PCDHA1: variants seen among roughly 807,000 people sequenced by gnomAD.
PCDHA1 encodes protocadherin alpha 1.
Under a neutral mutation model 61.3 loss-of-function variants are expected in PCDHA1, and 42 were observed. The observed-to-expected ratio is 0.69, with a 90% confidence interval of 0.54 to 0.89. PCDHA1 has a LOEUF of 0.89. PCDHA1 is among the 40% of genes least tolerant of loss of function. The pLI, the probability that PCDHA1 is intolerant of heterozygous loss-of-function variation, is 0.00. For missense variants in PCDHA1, 1,256 were observed against 1,235.3 expected (o/e 1.02, Z -0.25); for synonymous variants, 610 against 553.8 (o/e 1.10, Z -1.43).
At position 140,875,707 on chromosome 5, in the gene PCDHA1, C is replaced by G. The variant is rs782640816; in HGVS notation, c.2394+87023C>G. ...ACACGGGGACCTTCTGGAGGTAAAT[C>G]TGCAGAATGGCATTTTGTTTGTGAA... On this transcript the variant is annotated intron_variant, in intron 1 of 3. Transcript: ENST00000504120. The G allele has an allele frequency of 6.2e-6, 10 of 1,614,048 alleles. No homozygotes were observed. In the South Asian group the frequency reaches 6.6e-5, roughly 11 times the overall value.
At position 140,807,677 on chromosome 5, in the gene PCDHA1, G is replaced by A. The variant is rs782620777; in HGVS notation, c.2394+18993G>A. ...GGGCGCCTCGGATGCAGATATCGGG[G>A]AGAACGCCCTGCTCACTTACAGACT... is the stretch of plus-strand genomic sequence containing the variant. On this transcript the variant is annotated intron_variant, in intron 1 of 3. Transcript: ENST00000504120. The A allele has an allele frequency of 1.1e-5, 17 of 1,614,072 alleles. No homozygotes were observed. The Admixed American group carries it at 2.7e-4, about 25-fold the overall frequency.
At chr5:140,950,976 A>G (rs543425095) in intron 1 of PCDHA1, among the ~76,000 whole-genome samples, 188 of 151,348 alleles carry the variant, frequency 1.2e-3, no homozygotes, top group African/African-American at 4.3e-3. Flanking sequence ...AGATTCATTG[A>G]CTTTTGCCTC....
rs2150411211 is a variant in PCDHA1, at chr5:140,848,488, T to C, written c.2394+59804T>C. The C allele has an allele frequency of 1.0e-5, 16 of 1,574,158 alleles. 1 individual carries two copies. The highest frequency in any genetic ancestry group is 3.4e-4 in the Middle Eastern group (2 of 5,918). On this transcript the variant is annotated intron_variant, in intron 1 of 3. Coordinates refer to ENST00000504120, the MANE Select transcript of PCDHA1 (RefSeq NM_018900.4). ...TTTCACTAATTAGAAGAAGACTGAG[T>C]ATTTGAAATGTTATACTCAAGTCGA... is the stretch of plus-strand genomic sequence containing the variant.
At chr5:140,832,640 G>T (rs2150203055) in intron 1 of PCDHA1, among the ~76,000 whole-genome samples, 1 of 152,252 alleles carries the variant, frequency 6.6e-6, no homozygotes, top group Middle Eastern at 3.4e-3. Flanking sequence ...TCCTAGGAGG[G>T]TCTTTAAGAG....
At chr5:140,798,821 G>A (rs1762366010) in intron 1 of PCDHA1, among the ~76,000 whole-genome samples, 1 of 152,126 alleles carries the variant, frequency 6.6e-6, no homozygotes, top group African/African-American at 2.4e-5. Context: ...CCAACCAAAG[G>A]CAGATGTATT....
chr5:140,887,670 C>T (rs368430565), intron 1 of PCDHA1, among the ~76,000 whole-genome samples: 1 of 151,988 alleles, frequency 6.6e-6, no homozygotes, highest in Non-Finnish European at 1.5e-5. Context: ...GTGGATTTAT[C>T]ATTTTCATCA....
intron 1 of PCDHA1, chr5:140,862,804 C>A: frequency 5.2e-6 from 3 of 574,138 alleles, no homozygotes; most frequent in Non-Finnish European, 6.7e-6. Context: ...GCTGGAGCTG[C>A]TGCAGTTCTA....
intron 1 of PCDHA1, chr5:140,870,380 C>T (rs373356425): frequency 1.3e-5 from 21 of 1,614,064 alleles, no homozygotes; most frequent in East Asian, 2.2e-5. Flanking sequence ...GTGGTGACTG[C>T]GCGGGATGGG....
At chr5:140,975,472 A>G (rs1012106018) in intron 1 of PCDHA1, among the ~76,000 whole-genome samples, 2 of 152,250 alleles carry the variant, frequency 1.3e-5, no homozygotes, top group African/African-American at 4.8e-5. Flanking sequence ...AATTCTGCCT[A>G]TCAGTTTATA....
intron 1 of PCDHA1, chr5:140,834,405 G>A (rs2150216867): frequency 1.9e-6 from 3 of 1,607,688 alleles, no homozygotes; most frequent in Admixed American, 1.7e-5. Flanking sequence ...GAATGGATAC[G>A]ACCCAGGGGG....
At chr5:140,830,276 G>T (rs782590903) in intron 1 of PCDHA1, 2 of 1,613,712 alleles carry the variant, frequency 1.2e-6, no homozygotes, top group Non-Finnish European at 1.7e-6. Context: ...GCCACCCACC[G>T]AGGGCGCGTG....
In PCDHA1 at chr5:140,845,055, G is replaced by T. The variant is rs2150376092; in HGVS notation, c.2394+56371G>T. 3.3e-5 allele frequency among the ~76,000 whole-genome samples: 5 copies of T among 149,320 alleles called. 1 individual carries two copies. The highest frequency in any genetic ancestry group is 6.0e-5 in the Non-Finnish European group (4 of 66,724). ...TTTTAGCCCCCTTGTCCAACTGAAG[G>T]TAACCTCAAAGCAGCATTGTTTTGT... On this transcript the variant is annotated intron_variant, in intron 1 of 3. Transcript: ENST00000504120.
intron 1 of PCDHA1, chr5:140,854,630 AG>A (rs1201731604): frequency 6.7e-6 from 1 of 150,240 alleles, no homozygotes; most frequent in African/African-American, 2.4e-5. Flanking sequence ...TCTTTAGAAA[AG>A]TCAAAACATC....
intron 3 of PCDHA1, among the ~76,000 whole-genome samples, chr5:140,984,162 C>A (rs2097089666): frequency 6.6e-6 from 1 of 152,150 alleles, no homozygotes; most frequent in Non-Finnish European, 1.5e-5. Context: ...GAGAACTTCC[C>A]AAAGAAGCCA....
intron 1 of PCDHA1, among the ~76,000 whole-genome samples, chr5:140,926,182 C>T (rs1041630365): frequency 2.6e-5 from 4 of 151,858 alleles, no homozygotes; most frequent in South Asian, 2.2e-4. Flanking sequence ...CGGAAAGCCC[C>T]CCGCAGCACT....
intron 1 of PCDHA1, among the ~76,000 whole-genome samples, chr5:140,898,404 A>G (rs1170692741): frequency 1.3e-5 from 2 of 152,242 alleles, no homozygotes; most frequent in Non-Finnish European, 2.9e-5. Flanking sequence ...AGCTTTCTAC[A>G]TACGGCTAGC....
chr5:140,848,879 C>T (rs2150423372), intron 1 of PCDHA1: 26 of 1,590,952 alleles, frequency 1.6e-5, no homozygotes, highest in Admixed American at 1.2e-4. Flanking sequence ...ACATTAACGA[C>T]AACCCTCCAG....
At position 140,844,249 on chromosome 5, in the gene PCDHA1, G is replaced by A. The variant is rs2150370021; in HGVS notation, c.2394+55565G>A. Among the ~76,000 whole-genome samples, 545 of 149,548 alleles carry A rather than the reference G, an allele frequency of 3.6e-3. 48 individuals carry two copies. The highest frequency in any genetic ancestry group is 5.8e-3 in the Non-Finnish European group (388 of 66,804). ...TGGTGTTTCACTATTGCCGTTTTAA[G>A]CAGTGTAGTGATAAAATACAGAATG... On this transcript the variant is annotated intron_variant, in intron 1 of 3. Coordinates refer to ENST00000504120, the MANE Select transcript of PCDHA1 (RefSeq NM_018900.4).
chr5:140,792,626 C>T (rs1554118826), intron 1 of PCDHA1, among the ~76,000 whole-genome samples: 3 of 152,074 alleles, frequency 2.0e-5, no homozygotes, highest in Non-Finnish European at 4.4e-5. Context: ...CCTCTTATAC[C>T]CCCACATATG....
Sources: gnomAD v4.1 joint callset for allele counts (sites outside exome capture counted in the v4.1 genomes callset) on GRCh38, gnomAD v4.1.1 for gene constraint, MANE v1.5 for transcripts, NCBI Gene and HGNC (gene_info 2026-07-23, HGNC 2026-07-21) for gene names.